The following SPON1 variants were observed in gnomAD, a reference collection of about 807,000 sequenced individuals.
SPON1 encodes spondin-1.
A neutral mutation model predicts 111.7 loss-of-function variants in SPON1; 52 were observed. The ratio of observed to expected loss-of-function variants is 0.47; its 90% CI spans 0.37 to 0.59. SPON1 has a LOEUF of 0.59. Ranked by LOEUF, SPON1 falls within the 20% of genes least tolerant of loss-of-function variation. SPON1 has a pLI of 0.00. For missense variants in SPON1, 957 were observed against 1,068.5 expected, an observed-to-expected ratio of 0.90 and a Z score of 1.46; for synonymous variants, 410 against 395.8, an observed-to-expected ratio of 1.04 and a Z score of -0.43.
chr11:14,131,171 C>T (rs1334220914), intron 5 of SPON1, among the ~76,000 whole-genome samples: 1 of 152,200 alleles, frequency 6.6e-6, no homozygotes, highest in Non-Finnish European at 1.5e-5. Context: ...TCCATCCAAT[C>T]GTCTCTTCTG....
At chr11:14,022,891 T>C (rs1405520707) in intron 2 of SPON1, among the ~76,000 whole-genome samples, 2 of 152,132 alleles carry the variant, frequency 1.3e-5, no homozygotes, top group Non-Finnish European at 2.9e-5. Context: ...AGGAGTAGGG[T>C]TAAAAGCAGG....
At chr11:14,112,640 A>G (rs16913641) in intron 5 of SPON1, among the ~76,000 whole-genome samples, 1,524 of 152,180 alleles carry the variant, frequency 0.01, 48 homozygotes, top group East Asian at 0.088. Flanking sequence ...TTCATGATCT[A>G]TTTCTTGCCT....
chr11:14,069,258 G>A lies in SPON1; in HGVS notation c.480-6087G>A, dbSNP rs117779451. On this transcript the variant is annotated intron_variant, in intron 3 of 15. Coordinates refer to ENST00000576479, the MANE Select transcript of SPON1 (RefSeq NM_006108.4). ...AGTAATGCCTACCTCTTGGTTGGGG[G>A]GATTAAATGAGTTAATATTTGTGAA... Among the ~76,000 whole-genome samples the A allele has an allele frequency of 2.4e-3, 366 of 151,998 alleles. 3 individuals carry two copies. The highest frequency in any genetic ancestry group is 4.1e-3 in the Non-Finnish European group (278 of 67,980).
At chr11:14,138,731 T>C (rs1315014783) in intron 6 of SPON1, among the ~76,000 whole-genome samples, 1 of 152,164 alleles carries the variant, frequency 6.6e-6, no homozygotes, top group Non-Finnish European at 1.5e-5. Flanking sequence ...ACTAAGACCA[T>C]TTCTACTTCA....
rs782027904 is a variant in SPON1, at chr11:14,265,493, C to T, written c.2261-31C>T. On this transcript the variant is annotated intron_variant, in intron 15 of 15. Transcript: ENST00000576479. The stretch of plus-strand genomic sequence containing the variant: ...GCATCCCTGTTCCGTCCCGTTTCTG[C>T]GGGCCTAACAAGGCATTCTCATGCT... 2.7e-5 allele frequency: 43 copies of T among 1,599,164 alleles called. 1 individual carries two copies. Among genetic ancestry groups the T allele is most frequent in the Middle Eastern group, 1.7e-4 (1 of 5,760 alleles).
chr11:14,192,117 C>G (rs911927310), intron 6 of SPON1, among the ~76,000 whole-genome samples: 2 of 151,978 alleles, frequency 1.3e-5, no homozygotes, highest in African/African-American at 4.8e-5. Context: ...AACATTAGCC[C>G]TGGATAGTCA....
chr11:14,217,548 A>G (rs1848638043), intron 6 of SPON1, among the ~76,000 whole-genome samples: 1 of 152,152 alleles, frequency 6.6e-6, no homozygotes, highest in South Asian at 2.1e-4. Flanking sequence ...ATGACTGTAG[A>G]CTTCACTTAT....
chr11:14,172,699 A>G (rs1253943544), intron 6 of SPON1, among the ~76,000 whole-genome samples: 3 of 151,542 alleles, frequency 2.0e-5, no homozygotes, highest in East Asian at 3.9e-4. Flanking sequence ...TGGTGACAAA[A>G]TCTCTCAGCA....
At chr11:14,065,413 G>A (rs1848824077) in intron 3 of SPON1, among the ~76,000 whole-genome samples, 1 of 152,164 alleles carries the variant, frequency 6.6e-6, no homozygotes, top group South Asian at 2.1e-4. Flanking sequence ...TTAGAGGCTG[G>A]GGCGATTATA....
intron 2 of SPON1, among the ~76,000 whole-genome samples, chr11:14,017,381 G>C (rs1346517545): frequency 1.3e-5 from 2 of 152,150 alleles, no homozygotes; most frequent in Non-Finnish European, 2.9e-5. Flanking sequence ...TTCAGACTAT[G>C]CTTTAAAGAA....
chr11:14,131,972 T>C (rs1453275884), intron 5 of SPON1, among the ~76,000 whole-genome samples: 2 of 152,222 alleles, frequency 1.3e-5, no homozygotes, highest in Non-Finnish European at 2.9e-5. Flanking sequence ...GTTGATGTCA[T>C]TAAATGTGTT....
At chr11:14,190,457 CCTT>C (rs1169813597) in intron 6 of SPON1, among the ~76,000 whole-genome samples, 1 of 151,788 alleles carries the variant, frequency 6.6e-6, no homozygotes, top group African/African-American at 2.4e-5. Context: ...CTTCTATCTT[CCTT>C]CTTCTTTCCT....
At chr11:14,160,768 ATTTATATATATT>A in intron 6 of SPON1, among the ~76,000 whole-genome samples, 1 of 47,464 alleles carries the variant, frequency 2.1e-5, no homozygotes, top group Non-Finnish European at 3.6e-5. Flanking sequence ...ATATTTATAT[ATTTATATATATT>A]TTTATATATA....
At chr11:14,155,140 C>T (rs1847828878) in intron 6 of SPON1, among the ~76,000 whole-genome samples, 1 of 152,182 alleles carries the variant, frequency 6.6e-6, no homozygotes, top group Admixed American at 6.5e-5. Context: ...CAAACTTTCC[C>T]TCATCTTCCT....
intron 3 of SPON1, among the ~76,000 whole-genome samples, chr11:14,061,618 G>A (rs1002485743): frequency 6.6e-6 from 1 of 152,152 alleles, no homozygotes; most frequent in Admixed American, 6.5e-5. Context: ...GTGTGCTAAT[G>A]GTATCAGACT....
At chr11:14,091,006 C>G (rs1439754113) in intron 5 of SPON1, among the ~76,000 whole-genome samples, 1 of 151,968 alleles carries the variant, frequency 6.6e-6, no homozygotes, top group East Asian at 1.9e-4. Flanking sequence ...CCCACCAGAG[C>G]AGCTAGACAC....
At chr11:14,155,261 T>C (rs1476050234) in intron 6 of SPON1, among the ~76,000 whole-genome samples, 1 of 152,206 alleles carries the variant, frequency 6.6e-6, no homozygotes, top group African/African-American at 2.4e-5. Flanking sequence ...CAGGTACCAA[T>C]TTTCTGTATT....
intron 5 of SPON1, among the ~76,000 whole-genome samples, chr11:14,126,016 G>T (rs1431955667): frequency 6.6e-6 from 1 of 152,160 alleles, no homozygotes; most frequent in Admixed American, 6.5e-5. Flanking sequence ...AAAAAGCAAG[G>T]TTCCAGCTTA....
intron 5 of SPON1, among the ~76,000 whole-genome samples, chr11:14,115,184 A>G (rs1448577544): frequency 1.3e-5 from 2 of 152,206 alleles, no homozygotes; most frequent in Non-Finnish European, 2.9e-5. Flanking sequence ...GCTCAAGCAT[A>G]GGGTAGGCCA....
Sources: gnomAD v4.1 joint callset for allele counts (sites outside exome capture counted in the v4.1 genomes callset) on GRCh38, gnomAD v4.1.1 for gene constraint, MANE v1.5 for transcripts, NCBI Gene and HGNC (gene_info 2026-07-23, HGNC 2026-07-21) for gene names.